The following HEMK2 variants were observed in gnomAD, a reference collection of about 807,000 sequenced individuals.
The protein encoded by HEMK2 is HemK methyltransferase 2, ETF1 glutamine and histone H4 lysine.
chr21:28,759,661 G>C, the HEMK2 span, among the ~76,000 whole-genome samples: 1 of 152,246 alleles, frequency 6.6e-6, no homozygotes, highest in East Asian at 1.9e-4. Context: ...GACCCAATGG[G>C]AGATAACTGA....
At chr21:28,863,449 TATATATATATATATA>T in the HEMK2 span, among the ~76,000 whole-genome samples, 1 of 97,614 alleles carries the variant, frequency 1.0e-5, no homozygotes, top group African/African-American at 4.6e-5. Flanking sequence ...TATATATATA[TATATATATATATATA>T]TATATACTTC....
At chr21:28,591,476 C>T in the HEMK2 span, among the ~76,000 whole-genome samples, 1 of 152,186 alleles carries the variant, frequency 6.6e-6, no homozygotes. Context: ...TGATGCATGA[C>T]GTCCTTACAT....
the HEMK2 span, among the ~76,000 whole-genome samples, chr21:28,618,772 G>A: frequency 9.3e-3 from 1,410 of 152,176 alleles, 29 homozygotes; most frequent in African/African-American, 0.033. Context: ...CACACAGCTC[G>A]CTCAATACTA....
the HEMK2 span, among the ~76,000 whole-genome samples, chr21:28,717,264 G>GT: frequency 2.6e-5 from 4 of 151,862 alleles, no homozygotes; most frequent in South Asian, 2.1e-4. Flanking sequence ...AAGGTTGGGT[G>GT]TTTTTTTACT....
chr21:28,639,622 A>T, the HEMK2 span, among the ~76,000 whole-genome samples: 1 of 152,234 alleles, frequency 6.6e-6, no homozygotes, highest in Non-Finnish European at 1.5e-5. Flanking sequence ...ATAACCAAAA[A>T]GTCTCATAAA....
chr21:28,833,114 TTC>T, the HEMK2 span, among the ~76,000 whole-genome samples: 4 of 152,260 alleles, frequency 2.6e-5, no homozygotes, highest in Non-Finnish European at 5.9e-5. Context: ...GTCCTGAGTC[TTC>T]TCTCTGGCTC....
At chr21:28,623,070 T>C in the HEMK2 span, among the ~76,000 whole-genome samples, 2 of 152,114 alleles carry the variant, frequency 1.3e-5, no homozygotes, top group East Asian at 3.9e-4. Context: ...AGAGAACATT[T>C]GTGCAATCTA....
the HEMK2 span, among the ~76,000 whole-genome samples, chr21:28,883,558 T>C: frequency 6.6e-6 from 1 of 152,224 alleles, no homozygotes; most frequent in Non-Finnish European, 1.5e-5. Context: ...CCCCCAATAA[T>C]AGAGCAGGAC....
chr21:28,825,817 AG>A, the HEMK2 span, among the ~76,000 whole-genome samples: 1 of 152,208 alleles, frequency 6.6e-6, no homozygotes, highest in African/African-American at 2.4e-5. Flanking sequence ...CTGAAAGTGC[AG>A]GGCCTAGAAA....
chr21:28,772,067 C>T, the HEMK2 span, among the ~76,000 whole-genome samples: 1 of 152,136 alleles, frequency 6.6e-6, no homozygotes, highest in Non-Finnish European at 1.5e-5. Flanking sequence ...TTCCATCACA[C>T]TCATACAGCA....
At chr21:28,749,500 T>C in the HEMK2 span, among the ~76,000 whole-genome samples, 2 of 152,182 alleles carry the variant, frequency 1.3e-5, no homozygotes, top group African/African-American at 4.8e-5. Context: ...TAAACTTGTT[T>C]TCTGCCATGA....
chr21:28,800,862 C>G, the HEMK2 span, among the ~76,000 whole-genome samples: 744 of 152,260 alleles, frequency 4.9e-3, 6 homozygotes, highest in African/African-American at 0.017. Flanking sequence ...AAAAGAAAAG[C>G]AGAATAAATG....
the HEMK2 span, among the ~76,000 whole-genome samples, chr21:28,683,295 C>T: frequency 6.6e-6 from 1 of 152,030 alleles, no homozygotes; most frequent in South Asian, 2.1e-4. Flanking sequence ...CAATTATGAG[C>T]AGATGAACAA....
the HEMK2 span, among the ~76,000 whole-genome samples, chr21:28,818,508 C>G: frequency 1.3e-5 from 2 of 152,160 alleles, no homozygotes; most frequent in Admixed American, 1.3e-4. Context: ...CTAATACAGA[C>G]AGGAATATAG....
the HEMK2 span, among the ~76,000 whole-genome samples, chr21:28,781,680 T>A: frequency 6.6e-6 from 1 of 152,230 alleles, no homozygotes; most frequent in African/African-American, 2.4e-5. Context: ...TGGAACAACA[T>A]GCACAGAGTA....
chr21:28,652,457 TC>T, the HEMK2 span, among the ~76,000 whole-genome samples: 46 of 152,034 alleles, frequency 3.0e-4, no homozygotes, highest in Non-Finnish European at 3.1e-4. Flanking sequence ...CCTTCCTCCC[TC>T]CCTCCCTTCC....
the HEMK2 span, among the ~76,000 whole-genome samples, chr21:28,655,271 T>C: frequency 6.6e-6 from 1 of 152,096 alleles, no homozygotes; most frequent in Non-Finnish European, 1.5e-5. Context: ...TTATTTTGAA[T>C]TTGTTTTGAA....
At chr21:28,841,299 AT>A in the HEMK2 span, among the ~76,000 whole-genome samples, 1 of 12,918 alleles carries the variant, frequency 7.7e-5, no homozygotes, top group African/African-American at 6.0e-4. Flanking sequence ...TATATTATAT[AT>A]TATATATAAT....
chr21:28,722,603 C>T, the HEMK2 span, among the ~76,000 whole-genome samples: 4,248 of 152,234 alleles, frequency 0.028, 221 homozygotes, highest in African/African-American at 0.098. Context: ...ATCCATAGGC[C>T]GGGCACGGTG....
Sources: gnomAD v4.1 joint callset for allele counts (sites outside exome capture counted in the v4.1 genomes callset) on GRCh38, gnomAD v4.1.1 for gene constraint, MANE v1.5 for transcripts, NCBI Gene and HGNC (gene_info 2026-07-23, HGNC 2026-07-21) for gene names.